Variants in NYAP2 observed in about 807,000 individuals in gnomAD.
NYAP2 encodes neuronal tyrosine-phosphorylated phosphoinositide-3-kinase adapter 2.
A neutral mutation model predicts 50.4 loss-of-function variants in NYAP2; 23 were observed. That is an observed-to-expected ratio of 0.46 (90% confidence interval 0.33 to 0.65). The LOEUF is 0.65. NYAP2 is among the 30% of genes least tolerant of loss of function. The probability of loss-of-function intolerance (pLI) is 0.02; values close to 1 mark genes in which losing one functional copy is unlikely to be tolerated. For missense variants in NYAP2, 885 were observed against 861.0 expected (o/e 1.03, Z -0.35); for synonymous variants, 394 against 365.2 (o/e 1.08, Z -0.90).
chr2:225,539,094 T>C (rs1691410482), intron 4 of NYAP2, among the ~76,000 whole-genome samples: 1 of 152,072 alleles, frequency 6.6e-6, no homozygotes, highest in Non-Finnish European at 1.5e-5. Flanking sequence ...GAACATGTGG[T>C]GTTTAGTTTT....
intron 4 of NYAP2, among the ~76,000 whole-genome samples, chr2:225,534,451 AG>A (rs1249150313): frequency 6.6e-6 from 1 of 152,228 alleles, no homozygotes; most frequent in Non-Finnish European, 1.5e-5. Context: ...CATGAGCAAA[AG>A]TGAAATAGAT....
intron 3 of NYAP2, among the ~76,000 whole-genome samples, chr2:225,411,671 G>C (rs1458154933): frequency 6.6e-6 from 1 of 152,054 alleles, no homozygotes; most frequent in African/African-American, 2.4e-5. Flanking sequence ...AGGAACAGTG[G>C]AAGAATTCAG....
chr2:225,563,746 A>G lies in NYAP2; in HGVS notation c.524-18195A>G, dbSNP rs572747884. On this transcript the variant is annotated intron_variant, in intron 4 of 6. Coordinates refer to ENST00000636099, the Ensembl canonical transcript of NYAP2. ...GTTTGTGTATCCATATTCAAATTCA[A>G]ATTCAAATTTGAGTTTGAAAATGTA... Among the ~76,000 whole-genome samples the G allele has an allele frequency of 6.6e-5, 10 of 152,238 alleles. No homozygotes were observed. In the South Asian group the frequency reaches 1.9e-3, roughly 28 times the overall value.
intron 5 of NYAP2, among the ~76,000 whole-genome samples, chr2:225,608,299 C>A (rs561453880): frequency 3.3e-5 from 5 of 152,202 alleles, no homozygotes; most frequent in Admixed American, 3.3e-4. Flanking sequence ...ATGGTGACAT[C>A]TGGATGTCTG....
chr2:225,699,262 G>C, the NYAP2 span: 1 of 151,938 alleles, frequency 6.6e-6, no homozygotes, highest in Non-Finnish European at 1.5e-5. Flanking sequence ...TCAGACTCCA[G>C]AGAAAGTTAC....
chr2:225,594,623 C>T lies in NYAP2; in HGVS notation c.1618+11588C>T, dbSNP rs375195899. ...TCCACAAAGCTATCATTATGTGACT[C>T]GCGGTCTTGAATATGTGTGTTCCCT... On this transcript the variant is annotated intron_variant, in intron 5 of 6. Transcript: ENST00000636099. Among the ~76,000 whole-genome samples the T allele has an allele frequency of 1.2e-4, 18 of 152,268 alleles. No homozygotes were observed. The South Asian group carries it at 2.3e-3, about 19-fold the overall frequency.
chr2:225,665,516 G>A, the NYAP2 span, among the ~76,000 whole-genome samples: 2 of 151,196 alleles, frequency 1.3e-5, no homozygotes, highest in Admixed American at 6.6e-5. Flanking sequence ...CTCATGAGCT[G>A]CGTGAAGATT....
the NYAP2 span, among the ~76,000 whole-genome samples, chr2:225,667,481 G>A: frequency 6.6e-6 from 1 of 152,102 alleles, no homozygotes; most frequent in Admixed American, 6.5e-5. Context: ...GGGATGAAGA[G>A]CATGTGGTAA....
chr2:225,448,615 G>T (rs1289066256), intron 3 of NYAP2, among the ~76,000 whole-genome samples: 10 of 152,168 alleles, frequency 6.6e-5, no homozygotes. Flanking sequence ...TCTTGTGGCT[G>T]TGCCTGTCTG....
intron 6 of NYAP2, among the ~76,000 whole-genome samples, chr2:225,641,115 G>T (rs7604886): frequency 0.95 from 145,188 of 152,166 alleles, 69,376 homozygotes; most frequent in African/African-American, 0.99. Context: ...TGTCTGTCAC[G>T]GCAGGGCGGT....
chr2:225,643,562 T>C (rs1306500419), intron 6 of NYAP2, among the ~76,000 whole-genome samples: 21 of 152,074 alleles, frequency 1.4e-4, no homozygotes, highest in African/African-American at 4.6e-4. Flanking sequence ...TCATCTAGCA[T>C]TAGGTATATC....
chr2:225,640,690 T>C (rs1693511920), intron 6 of NYAP2, among the ~76,000 whole-genome samples: 1 of 152,200 alleles, frequency 6.6e-6, no homozygotes, highest in Non-Finnish European at 1.5e-5. Context: ...TGTACATATA[T>C]AAAGCCATGA....
intron 3 of NYAP2, among the ~76,000 whole-genome samples, chr2:225,470,055 CTG>C (rs1462097132): frequency 6.6e-6 from 1 of 152,096 alleles, no homozygotes; most frequent in Non-Finnish European, 1.5e-5. Context: ...GCTAACAGGC[CTG>C]TTCTGGAGAT....
chr2:225,456,714 G>A (rs1689744997), intron 3 of NYAP2, among the ~76,000 whole-genome samples: 2 of 152,066 alleles, frequency 1.3e-5, no homozygotes, highest in South Asian at 4.2e-4. Flanking sequence ...CCAACTTTTA[G>A]TTTGTGTCTC....
At position 225,589,763 on chromosome 2, in the gene NYAP2, A is replaced by T. The variant is rs1692463017; in HGVS notation, c.1618+6728A>T. ...TGCAGGTGAAATAGTTAAGGACTTTATATTCCCTCTGTTTAAGCAGGTGCT... is the reference window on the plus strand; with the variant it reads ...TGCAGGTGAAATAGTTAAGGACTTTTTATTCCCTCTGTTTAAGCAGGTGCT... On this transcript the variant is annotated intron_variant, in intron 5 of 6. Transcript: ENST00000636099. Among the ~76,000 whole-genome samples, 2 of 152,184 alleles carry T rather than the reference A, an allele frequency of 1.3e-5. 1 individual carries two copies. Among genetic ancestry groups the T allele is most frequent in the South Asian group, 4.1e-4 (2 of 4,830 alleles).
intron 3 of NYAP2, among the ~76,000 whole-genome samples, chr2:225,469,544 A>T (rs1689978974): frequency 6.6e-6 from 1 of 152,154 alleles, no homozygotes; most frequent in African/African-American, 2.4e-5. Flanking sequence ...ATAAAGACAC[A>T]TGCATACTAT....
At chr2:225,620,131 A>G (rs964765137) in intron 5 of NYAP2, among the ~76,000 whole-genome samples, 2 of 152,250 alleles carry the variant, frequency 1.3e-5, no homozygotes, top group South Asian at 4.1e-4. Flanking sequence ...ACTAAAATCA[A>G]TTTTGTTTTC....
intron 3 of NYAP2, among the ~76,000 whole-genome samples, chr2:225,507,430 A>G (rs1442259615): frequency 6.6e-6 from 1 of 152,208 alleles, no homozygotes; most frequent in Non-Finnish European, 1.5e-5. Context: ...AAGACAAGGA[A>G]CAAACTGTGG....
intron 3 of NYAP2, among the ~76,000 whole-genome samples, chr2:225,455,690 G>T (rs1383894590): frequency 1.3e-5 from 2 of 152,134 alleles, no homozygotes; most frequent in Non-Finnish European, 2.9e-5. Context: ...GAAGAATATG[G>T]AATATTGACA....
Sources: gnomAD v4.1 joint callset for allele counts (sites outside exome capture counted in the v4.1 genomes callset) on GRCh38, gnomAD v4.1.1 for gene constraint, MANE v1.5 for transcripts, NCBI Gene and HGNC (gene_info 2026-07-23, HGNC 2026-07-21) for gene names.